Variants in RIC1 observed in about 807,000 individuals in gnomAD.
RIC1 encodes RIC1 partner of RAB6A GEF complex, also known as guanine nucleotide exchange factor subunit RIC1.
In RIC1, 88 loss-of-function variants were observed where a neutral mutation model predicts 169.0. The observed-to-expected ratio is 0.52, with a 90% CI of 0.44 to 0.62. The LOEUF (loss-of-function observed/expected upper bound fraction) is 0.62. Ranked by LOEUF, RIC1 falls within the 20% of genes least tolerant of loss-of-function variation. The probability of loss-of-function intolerance (pLI) is 0.00; values close to 1 mark genes in which losing one functional copy is unlikely to be tolerated. For missense variants in RIC1, 1,877 were observed against 1,725.5 expected, an observed-to-expected ratio of 1.09 and a Z score of -1.56; for synonymous variants, 790 against 601.5, an observed-to-expected ratio of 1.31 and a Z score of -4.59.
At chr9:5,640,433 T>A (rs1818183321) in intron 1 of RIC1, among the ~76,000 whole-genome samples, 1 of 152,212 alleles carries the variant, frequency 6.6e-6, no homozygotes, top group Non-Finnish European at 1.5e-5. Context: ...GCTTTTTAAC[T>A]TTTTTGTTTG....
intron 3 of RIC1, among the ~76,000 whole-genome samples, chr9:5,691,707 C>T (rs1821599519): frequency 6.6e-6 from 1 of 151,826 alleles, no homozygotes; most frequent in Admixed American, 6.6e-5. Context: ...TTTACTGGTG[C>T]ATTTTAAACT....
chr9:5,656,824 T>G (rs1586891265), intron 2 of RIC1, 134 bp downstream of exon 2: 34 of 559,102 alleles, frequency 6.1e-5, no homozygotes, highest in South Asian at 5.0e-4. Flanking sequence ...AGGAATTGCT[T>G]TACTGATTAT....
chr9:5,746,831 C>T (rs1825405916), intron 11 of RIC1, among the ~76,000 whole-genome samples: 1 of 152,038 alleles, frequency 6.6e-6, no homozygotes, highest in South Asian at 2.1e-4. Flanking sequence ...AATTTACGAA[C>T]ATCCATAAAA....
At chr9:5,715,856 C>T (rs1329852704) in intron 4 of RIC1, among the ~76,000 whole-genome samples, 1 of 147,936 alleles carries the variant, frequency 6.8e-6, no homozygotes, top group Admixed American at 6.7e-5. Flanking sequence ...CAGGGTCTCA[C>T]CTTGTCACCC....
rs753125878 is a variant in RIC1, at chr9:5,763,368, G to C, written c.2341G>C (p.Val781Leu). The change falls in exon 19 of 26, where the codon GTT (valine) becomes CTT (leucine). Residue 781 changes from valine (V) to leucine (L), a missense_variant. Transcript: ENST00000414202. This position sits in a 1 kb window ranked among gnomAD's most constrained non-coding sequence, Gnocchi z 5.2. ...PFHINIYPLA[V>L]LFEDALVLGA... is the part of the protein sequence containing the mutation. ...CCACATCAACATTTACCCGCTAGCT[G>C]TTCTGTTTGAAGATGCTTTAGTCCT... is the stretch of plus-strand genomic sequence containing the variant. The C allele has an allele frequency of 3.1e-6, 5 of 1,614,002 alleles. No individual in the cohort carries two copies. In the African/African-American group the frequency reaches 6.7e-5, roughly 22 times the overall value.
Position 5,763,098 on chromosome 9 carries a change from T to C in RIC1, c.2113-42T>C. On this transcript the variant is annotated intron_variant, in intron 18 of 25. Coordinates refer to ENST00000414202, the MANE Select transcript of RIC1 (RefSeq NM_020829.4). The surrounding 1 kb of genome is among the most constrained non-coding windows in gnomAD (Gnocchi z 5.2). ...ACCTAGGAACTTAAGAACCTGCAGA[T>C]TTAATAGGAAAACAACTTGATTCTT... 4 of 1,589,572 alleles carry C rather than the reference T, an allele frequency of 2.5e-6. No homozygotes were observed. The highest frequency in any genetic ancestry group is 3.4e-6 in the Non-Finnish European group (4 of 1,167,158).
intron 1 of RIC1, among the ~76,000 whole-genome samples, chr9:5,650,948 G>T (rs1818768464): frequency 6.6e-6 from 1 of 152,164 alleles, no homozygotes. Flanking sequence ...GAAATGCAGG[G>T]ACTCTTGTGC....
intron 17 of RIC1, among the ~76,000 whole-genome samples, chr9:5,759,041 C>T (rs528176913): frequency 3.3e-5 from 5 of 151,724 alleles, no homozygotes; most frequent in African/African-American, 1.2e-4. Flanking sequence ...TCGTGCTCGG[C>T]CTTGGTCTCC....
intron 3 of RIC1, among the ~76,000 whole-genome samples, chr9:5,690,878 G>A (rs986464535): frequency 1.3e-5 from 2 of 151,746 alleles, no homozygotes; most frequent in Non-Finnish European, 3.0e-5. Flanking sequence ...CTCATTAAAG[G>A]AAATACTGTA....
At chr9:5,688,577 T>A (rs1333863640) in intron 2 of RIC1, among the ~76,000 whole-genome samples, 1 of 152,198 alleles carries the variant, frequency 6.6e-6, no homozygotes, top group Non-Finnish European at 1.5e-5. Flanking sequence ...AGAAAGATGA[T>A]CTTATCTGAA....
chr9:5,761,116 T>TC (rs1358996703), intron 17 of RIC1, among the ~76,000 whole-genome samples: 3 of 136,776 alleles, frequency 2.2e-5, no homozygotes. Context: ...TTTTTTTTTT[T>TC]TTTTTTTTTT....
At chr9:5,741,195 G>A (rs1019766830) in intron 8 of RIC1, among the ~76,000 whole-genome samples, 1 of 152,132 alleles carries the variant, frequency 6.6e-6, no homozygotes, top group African/African-American at 2.4e-5. Flanking sequence ...CTATTGAGAG[G>A]TCCTCTGTCA....
At chr9:5,724,330 G>A (rs1474503765) in intron 6 of RIC1, among the ~76,000 whole-genome samples, 1 of 152,302 alleles carries the variant, frequency 6.6e-6, no homozygotes, top group Admixed American at 6.5e-5. Context: ...AATTGTGAAT[G>A]GGAGTTCACT....
chr9:5,643,523 A>G (rs1818352730), intron 1 of RIC1, among the ~76,000 whole-genome samples: 1 of 152,158 alleles, frequency 6.6e-6, no homozygotes, highest in African/African-American at 2.4e-5. Flanking sequence ...AAAAGTTATG[A>G]AAAATATGGT....
intron 4 of RIC1, among the ~76,000 whole-genome samples, chr9:5,719,891 C>G (rs1368675232): frequency 6.6e-6 from 1 of 152,022 alleles, no homozygotes; most frequent in African/African-American, 2.4e-5. Context: ...TTCTTTCTTT[C>G]TGCTATCACT....
At chr9:5,777,515 A>G (rs1827657302), downstream of RIC1, among the ~76,000 whole-genome samples, 2 of 151,992 alleles carry the variant, frequency 1.3e-5, no homozygotes, top group Admixed American at 1.3e-4. Flanking sequence ...CACTTTCTCC[A>G]TAATGTCCTT....
At chr9:5,700,888 C>T (rs1044421573) in intron 3 of RIC1, among the ~76,000 whole-genome samples, 1 of 152,134 alleles carries the variant, frequency 6.6e-6, no homozygotes, top group Non-Finnish European at 1.5e-5. Context: ...AAGACAACTG[C>T]AAGTTATAAA....
At chr9:5,710,988 T>C (rs1213366684) in intron 3 of RIC1, among the ~76,000 whole-genome samples, 4 of 152,158 alleles carry the variant, frequency 2.6e-5, no homozygotes, top group Non-Finnish European at 4.4e-5. Flanking sequence ...GAGAAGCTTA[T>C]TATTATATTA....
rs113554535 is a variant in RIC1 at position 5,670,987 on chromosome 9, C to T, written c.252+14297C>T. Among the ~76,000 whole-genome samples, 199 of 152,208 alleles carry T rather than the reference C, an allele frequency of 1.3e-3. 2 individuals are homozygous for T. Among genetic ancestry groups the T allele is most frequent in the African/African-American group, 4.4e-3 (184 of 41,524 alleles). On this transcript the variant is annotated intron_variant, in intron 2 of 25. Coordinates refer to ENST00000414202, the MANE Select transcript of RIC1 (RefSeq NM_020829.4). ...GTTGGTGGGTCCACGTGGAGCCCTC[C>T]GCCGTCAGAAATGCAAAAACCTGAG...
Sources: allele counts gnomAD v4.1 joint callset (sites outside exome capture counted in the v4.1 genomes callset), GRCh38; gene constraint gnomAD v4.1.1; non-coding constraint Gnocchi (gnomAD v3.1); transcripts MANE v1.5; gene names NCBI Gene and HGNC (gene_info 2026-07-23, HGNC 2026-07-21).